CDH13: variants seen among roughly 807,000 people sequenced by gnomAD.
The protein encoded by CDH13 is cadherin 13.
Under a neutral mutation model 63.8 loss-of-function variants are expected in CDH13, and 24 were observed. The ratio of observed to expected loss-of-function variants is 0.38; its 90% CI spans 0.27 to 0.53. CDH13 has a LOEUF of 0.53. Among genes scored for constraint, CDH13 ranks in the 20% least tolerant of loss-of-function variants. CDH13 has a pLI of 0.85. For missense variants in CDH13, 1,049 were observed against 903.1 expected, an observed-to-expected ratio of 1.16 and a Z score of -2.07; for synonymous variants, 503 against 355.3, an observed-to-expected ratio of 1.42 and a Z score of -4.67.
At chr16:82,770,060 T>A (rs1158103271) in intron 1 of CDH13, among the ~76,000 whole-genome samples, 1 of 152,244 alleles carries the variant, frequency 6.6e-6, no homozygotes, top group Non-Finnish European at 1.5e-5. Context: ...CAGAGCTGGA[T>A]GTCAGCCAAA....
In CDH13 at chr16:83,732,076, C is replaced by T. The variant is rs529675312; in HGVS notation, c.1539-16032C>T. Among the ~76,000 whole-genome samples, 4 of 152,236 alleles carry T rather than the reference C, an allele frequency of 2.6e-5. No individual in the cohort carries two copies. The South Asian group carries it at 6.2e-4, about 24-fold the overall frequency. ...ATATTGAAAAATTCACACTGTGAGC[C>T]GGGTCCTAACTAGCCCTGAGGATAG... On this transcript the variant is annotated intron_variant, in intron 10 of 13. Coordinates refer to ENST00000567109, the MANE Select transcript of CDH13 (RefSeq NM_001257.5).
intron 1 of CDH13, among the ~76,000 whole-genome samples, chr16:82,843,940 G>T (rs2039140590): frequency 6.6e-6 from 1 of 152,228 alleles, no homozygotes; most frequent in South Asian, 2.1e-4. Context: ...TGCCAGGAAT[G>T]TGGGTGATCA....
At chr16:83,073,641 C>G (rs1313542658) in intron 3 of CDH13, among the ~76,000 whole-genome samples, 1 of 151,962 alleles carries the variant, frequency 6.6e-6, no homozygotes, top group Non-Finnish European at 1.5e-5. Context: ...ATATATTGAA[C>G]TTGACGAAAC....
At chr16:83,657,740 C>T (rs34664380) in intron 8 of CDH13, among the ~76,000 whole-genome samples, 11,470 of 152,268 alleles carry the variant, frequency 0.075, 579 homozygotes, top group East Asian at 0.12. Context: ...TTAGCAATAT[C>T]TGTGAACTCC....
chr16:82,892,054 T>A (rs566689969), intron 2 of CDH13, among the ~76,000 whole-genome samples: 292 of 152,272 alleles, frequency 1.9e-3, no homozygotes, highest in African/African-American at 6.7e-3. Flanking sequence ...CGTCCCTTTA[T>A]GAAGGGAGGC....
intron 1 of CDH13, among the ~76,000 whole-genome samples, chr16:82,820,928 C>A (rs1354130976): frequency 6.6e-6 from 1 of 152,146 alleles, no homozygotes; most frequent in Non-Finnish European, 1.5e-5. Flanking sequence ...TGGAGTCTGG[C>A]CCGGTAAGTC....
chr16:83,235,166 C>A (rs2040108209), intron 5 of CDH13, among the ~76,000 whole-genome samples: 1 of 152,136 alleles, frequency 6.6e-6, no homozygotes, highest in Admixed American at 6.5e-5. Context: ...GATTACATAA[C>A]TGCATTCCAG....
At chr16:83,250,342 G>A (rs1905375010) in intron 5 of CDH13, among the ~76,000 whole-genome samples, 1 of 152,166 alleles carries the variant, frequency 6.6e-6, no homozygotes, top group Non-Finnish European at 1.5e-5. Flanking sequence ...GTTGAGATTA[G>A]AGGGATGAAG....
intron 11 of CDH13, among the ~76,000 whole-genome samples, chr16:83,759,071 G>A (rs1191158096): frequency 5.3e-5 from 8 of 152,196 alleles, no homozygotes; most frequent in African/African-American, 1.9e-4. Context: ...GGAAATACAA[G>A]GAGTGAAAAA....
Position 83,453,290 on chromosome 16 carries a change from A to G in CDH13, c.782-33187A>G, listed in dbSNP as rs952287214. Among the ~76,000 whole-genome samples, 4 of 152,212 alleles carry G rather than the reference A, an allele frequency of 2.6e-5. No homozygotes were observed. In the South Asian group the frequency reaches 8.3e-4, roughly 32 times the overall value. On this transcript the variant is annotated intron_variant, in intron 6 of 13. Transcript: ENST00000567109. ...TGTACACTGCTCAGGTGATGGATGC[A>G]CCAAAATCTCACAAATTACCACTAA...
At chr16:83,255,392 A>T (rs142641054) in intron 5 of CDH13, among the ~76,000 whole-genome samples, 170 of 152,288 alleles carry the variant, frequency 1.1e-3, no homozygotes, top group Middle Eastern at 3.4e-3. Context: ...GCCTGCAGAA[A>T]ATGGCTTTCC....
intron 2 of CDH13, among the ~76,000 whole-genome samples, chr16:82,887,952 G>A (rs1179811944): frequency 6.6e-6 from 1 of 152,174 alleles, no homozygotes; most frequent in Non-Finnish European, 1.5e-5. Context: ...AAGCAGTGGT[G>A]ATTGTGATTC....
chr16:83,568,771 C>T (rs1904317131), intron 7 of CDH13, among the ~76,000 whole-genome samples: 1 of 152,306 alleles, frequency 6.6e-6, no homozygotes, highest in Middle Eastern at 3.4e-3. Context: ...TTTCCTCCCT[C>T]AGTCCCAGTT....
At chr16:82,855,919 C>T (rs1225806837) in intron 1 of CDH13, among the ~76,000 whole-genome samples, 1 of 152,134 alleles carries the variant, frequency 6.6e-6, no homozygotes, top group African/African-American at 2.4e-5. Context: ...TTTGACACTG[C>T]TTTGAGTTCT....
intron 6 of CDH13, among the ~76,000 whole-genome samples, chr16:83,443,977 TG>T (rs1037131523): frequency 2.4e-4 from 35 of 147,754 alleles, no homozygotes; most frequent in African/African-American, 8.2e-4. Context: ...AGTCAGGTGA[TG>T]GTGTTGATTA....
At chr16:82,646,454 A>G (rs1455519021) in intron 1 of CDH13, 3 of 152,182 alleles carry the variant, frequency 2.0e-5, no homozygotes, top group Admixed American at 2.0e-4. Flanking sequence ...TCGACCTCCC[A>G]AAGTGCTAGG....
At chr16:82,856,785 G>T (rs2039720816) in intron 1 of CDH13, among the ~76,000 whole-genome samples, 1 of 151,526 alleles carries the variant, frequency 6.6e-6, no homozygotes, top group Admixed American at 6.6e-5. Flanking sequence ...ATAAGTCAGG[G>T]AAGAGAAGGC....
Position 82,998,666 on chromosome 16 carries a change from T to G in CDH13, c.158-33344T>G, listed in dbSNP as rs148994204. On this transcript the variant is annotated intron_variant, in intron 2 of 13. Coordinates refer to ENST00000567109, the MANE Select transcript of CDH13 (RefSeq NM_001257.5). ...TCCTCTGCTATGAATTAGCAGACAT[T>G]GATCTTGTCCTCTGACAAGTAGTTA... Among the ~76,000 whole-genome samples the G allele has an allele frequency of 7.6e-3, 1,154 of 152,284 alleles. 8 individuals are homozygous for G. Among genetic ancestry groups the G allele is most frequent in the Admixed American group, 0.014 (218 of 15,296 alleles).
chr16:83,298,740 A>T (rs6563890), intron 5 of CDH13, among the ~76,000 whole-genome samples: 8 of 152,150 alleles, frequency 5.3e-5, no homozygotes, highest in East Asian at 1.9e-4. Context: ...ATGGCCCCAG[A>T]GTAAAAGCCC....
Sources: gnomAD v4.1 joint callset for allele counts (sites outside exome capture counted in the v4.1 genomes callset) on GRCh38, gnomAD v4.1.1 for gene constraint, MANE v1.5 for transcripts, NCBI Gene and HGNC (gene_info 2026-07-23, HGNC 2026-07-21) for gene names.